The following PCDHGA6 variants were observed in gnomAD, a reference collection of about 807,000 sequenced individuals.
The protein encoded by PCDHGA6 is protocadherin gamma-A6.
Under a neutral mutation model 60.6 loss-of-function variants are expected in PCDHGA6, and 41 were observed. That is an observed-to-expected ratio of 0.68 (90% confidence interval 0.53 to 0.88). The LOEUF is 0.88. Ranked by LOEUF, PCDHGA6 falls within the 40% of genes least tolerant of loss-of-function variation. PCDHGA6 has a pLI of 0.00. For missense variants in PCDHGA6, 1,312 were observed against 1,203.0 expected (o/e 1.09, Z -1.34); for synonymous variants, 594 against 524.4 (o/e 1.13, Z -1.81).
chr5:141,385,588 A>G (rs1290476871), intron 1 of PCDHGA6: 11 of 1,258,860 alleles, frequency 8.7e-6, no homozygotes, highest in East Asian at 3.3e-5. Context: ...CTATGTTCCA[A>G]CCTACTTTCT....
At chr5:141,385,574 C>T in intron 1 of PCDHGA6, 1 of 1,293,946 alleles carries the variant, frequency 7.7e-7, no homozygotes, top group Non-Finnish European at 9.8e-7. Flanking sequence ...ACCTACTTTC[C>T]AATCTATGTT....
intron 1 of PCDHGA6, chr5:141,377,764 T>C (rs1774337022): frequency 6.6e-6 from 1 of 152,240 alleles, no homozygotes; most frequent in Non-Finnish European, 1.5e-5. Context: ...CACCAGATCT[T>C]TGGTGTTAAA....
intron 1 of PCDHGA6, chr5:141,427,729 A>G (rs1176707357): frequency 8.5e-7 from 1 of 1,170,166 alleles, no homozygotes; most frequent in African/African-American, 1.5e-5. Context: ...CTAGGGCTGA[A>G]TGGCCAAGTC....
At chr5:141,408,856 G>T in intron 1 of PCDHGA6, 1 of 1,613,518 alleles carries the variant, frequency 6.2e-7, no homozygotes, top group Non-Finnish European at 8.5e-7. Flanking sequence ...TGGACGGAGG[G>T]GACCCACCAA....
Position 141,431,711 on chromosome 5 carries a change from G to T in PCDHGA6, c.2424+55204G>T. On this transcript the variant is annotated intron_variant, in intron 1 of 3. Coordinates refer to ENST00000517434, the MANE Select transcript of PCDHGA6 (RefSeq NM_018919.3). This position sits in a 1 kb window ranked among gnomAD's most constrained non-coding sequence, Gnocchi z 4.8. ...CGAGGAGTCAGGATTCTACCAGATG[G>T]AAGTGCAAGCAATGGATAATGCAGG... 1 of 1,614,230 alleles carries T rather than the reference G, an allele frequency of 6.2e-7. No homozygotes were observed. The highest frequency in any genetic ancestry group is 1.1e-5 in the South Asian group (1 of 91,092).
At position 141,423,756 on chromosome 5, in the gene PCDHGA6, G is replaced by GGA. The variant is rs1554116833; in HGVS notation, c.2424+47250_2424+47251insAG. 3 of 448,454 alleles carry GGA rather than the reference G, an allele frequency of 6.7e-6. No individual in the cohort carries two copies. In the African/African-American group the frequency reaches 8.4e-5, roughly 13 times the overall value. The allele number at this position is 448,454 out of a possible 1,614,324, so 27.8% of individuals were successfully genotyped here. A position where few individuals can be genotyped will look rare whatever the true frequency, so the allele number is the denominator to read the frequency against. ...GCCTGTTATGAAAACTGTTTGGGGG[G>GGA]GGGGTGGGGCGGCATATATTTAGTT... On this transcript the variant is annotated intron_variant, in intron 1 of 3. Coordinates refer to ENST00000517434, the MANE Select transcript of PCDHGA6 (RefSeq NM_018919.3).
chr5:141,421,222 C>G, intron 1 of PCDHGA6: 2 of 1,576,946 alleles, frequency 1.3e-6, no homozygotes, highest in Non-Finnish European at 1.7e-6. Flanking sequence ...CGGCTTAGAG[C>G]CTGCCATGGC....
At chr5:141,441,709 C>T in intron 1 of PCDHGA6, 1 of 321,306 alleles carries the variant, frequency 3.1e-6, no homozygotes, top group Non-Finnish European at 6.1e-6. Flanking sequence ...TTCAAGCTCA[C>T]GCTGCAGGCC....
intron 1 of PCDHGA6, among the ~76,000 whole-genome samples, chr5:141,458,876 G>T (rs187470646): frequency 5.0e-4 from 76 of 152,248 alleles, no homozygotes; most frequent in African/African-American, 1.7e-3. Context: ...GGGACTACAG[G>T]CATGCACACC....
At chr5:141,451,127 CT>C (rs1264048458) in intron 1 of PCDHGA6, among the ~76,000 whole-genome samples, 1 of 152,132 alleles carries the variant, frequency 6.6e-6, no homozygotes, top group Non-Finnish European at 1.5e-5. Context: ...CACACCCAGC[CT>C]TATGATTGTA....
chr5:141,404,315 G>A lies in PCDHGA6; in HGVS notation c.2424+27808G>A, dbSNP rs775576610. The A allele has an allele frequency of 9.7e-5, 157 of 1,613,768 alleles. No individual in the cohort carries two copies. Among genetic ancestry groups the A allele is most frequent in the South Asian group, 4.1e-4 (37 of 91,078 alleles). On this transcript the variant is annotated intron_variant, in intron 1 of 3. Transcript: ENST00000517434. Reference sequence around the variant, plus strand: ...TGATAATCCACCTGCTTTCTCTCAAGCCTCCTACTCAGTCTACCTCCCGGA... The same window carrying A: ...TGATAATCCACCTGCTTTCTCTCAAACCTCCTACTCAGTCTACCTCCCGGA...
intron 1 of PCDHGA6, chr5:141,382,678 C>T (rs1778365964): frequency 2.3e-6 from 1 of 439,006 alleles, no homozygotes; most frequent in African/African-American, 2.0e-5. Flanking sequence ...TGTTCACCAA[C>T]CAGGGAAAAA....
intron 1 of PCDHGA6, among the ~76,000 whole-genome samples, chr5:141,435,547 G>T (rs2097769325): frequency 6.6e-6 from 1 of 152,114 alleles, no homozygotes. Context: ...AACAAAATGT[G>T]TTTTGAGTGC....
In PCDHGA6 at chr5:141,375,540, A is replaced by C; in HGVS notation, c.1457A>C (p.Gln486Pro). The change falls in exon 1 of 4, where the codon CAA becomes CCA. Residue 486 changes from glutamine (Q) to proline (P), a missense_variant. Physicochemically the swap from Gln to Pro is moderately conservative, Grantham distance 76. Coordinates refer to ENST00000517434, the MANE Select transcript of PCDHGA6 (RefSeq NM_018919.3). The stretch of plus-strand genomic sequence containing the variant: ...GACCCTGACGTGGACCAGAACGCCC[A>C]AGTCTCCTACTCACTGGCAGAAGAC... ...ALDPDVDQNAQVSYSLAEDTL... is the reference protein window; with the variant it reads ...ALDPDVDQNAPVSYSLAEDTL... The C allele has an allele frequency of 6.2e-7, 1 of 1,613,910 alleles. No individual in the cohort carries two copies. Among genetic ancestry groups the C allele is most frequent in the Non-Finnish European group, 8.5e-7 (1 of 1,179,914 alleles).
rs774456704 is a variant in PCDHGA6, at chr5:141,390,013, C to T, written c.2424+13506C>T. On this transcript the variant is annotated intron_variant, in intron 1 of 3. Coordinates refer to ENST00000517434, the MANE Select transcript of PCDHGA6 (RefSeq NM_018919.3). ...CTCGTGGCCATGATTCTGGCCATTG[C>T]CTTGCGCCTGCGACGCTCCTCCAGC... 1.3e-4 allele frequency: 202 copies of T among 1,613,936 alleles called. No homozygotes were observed. The highest frequency in any genetic ancestry group is 1.6e-4 in the Non-Finnish European group (192 of 1,179,918).
chr5:141,472,529 G>C lies in PCDHGA6; in HGVS notation c.2425-22278G>C, dbSNP rs553065027. 9.3e-5 allele frequency among the ~76,000 whole-genome samples: 14 copies of C among 151,058 alleles called. No individual in the cohort carries two copies. In the East Asian group the frequency reaches 2.6e-3, roughly 28 times the overall value. ...CACTCCAGCCTGGGTGACAGAGTGA[G>C]ACACCATCTCAAGAAAAAAAAAATT... On this transcript the variant is annotated intron_variant, in intron 1 of 3. Transcript: ENST00000517434.
At chr5:141,380,474 C>T (rs1452214567) in intron 1 of PCDHGA6, among the ~76,000 whole-genome samples, 1 of 152,180 alleles carries the variant, frequency 6.6e-6, no homozygotes, top group Non-Finnish European at 1.5e-5. Context: ...GGTCAGGATT[C>T]TTCCCAATAT....
At position 141,492,138 on chromosome 5, in the gene PCDHGA6, T is replaced by C. The variant is rs577884713; in HGVS notation, c.2425-2669T>C. ...ATTTCTCCCCAGCTCCCAGCATCTG[T>C]GACTTCACTGTTACCCTCCCTATCC... On this transcript the variant is annotated intron_variant, in intron 1 of 3. Coordinates refer to ENST00000517434, the MANE Select transcript of PCDHGA6 (RefSeq NM_018919.3). 2.4e-3 allele frequency among the ~76,000 whole-genome samples: 366 copies of C among 152,312 alleles called. 1 individual carries two copies. Among genetic ancestry groups the C allele is most frequent in the Non-Finnish European group, 3.5e-3 (238 of 68,014 alleles).
In PCDHGA6 at chr5:141,389,981, G is replaced by T. The variant is rs750738084; in HGVS notation, c.2424+13474G>T. On this transcript the variant is annotated intron_variant, in intron 1 of 3. Transcript: ENST00000517434. ...TGGTGGCCTTGGCCTTGATCTCAGT[G>T]CTCTTCCTCGTGGCCATGATTCTGG... The T allele has an allele frequency of 2.5e-6, 4 of 1,614,006 alleles. No homozygotes were observed. The South Asian group carries it at 4.4e-5, about 18-fold the overall frequency.
Sources: gnomAD v4.1 joint callset for allele counts (sites outside exome capture counted in the v4.1 genomes callset) on GRCh38, gnomAD v4.1.1 for gene constraint, Gnocchi (gnomAD v3.1) non-coding constraint, MANE v1.5 for transcripts, NCBI Gene and HGNC (gene_info 2026-07-23, HGNC 2026-07-21) for gene names.